NTN4: variants seen among roughly 807,000 people sequenced by gnomAD.
NTN4 encodes netrin-4.
NTN4 carries 32 observed loss-of-function variants against 73.6 expected under a neutral mutation model. The ratio of observed to expected loss-of-function variants is 0.44; its 90% CI spans 0.33 to 0.58. The LOEUF (loss-of-function observed/expected upper bound fraction) is 0.58, where lower values mean the gene tolerates loss of function less well. Among genes scored for constraint, NTN4 ranks in the 20% least tolerant of loss-of-function variants. The probability of loss-of-function intolerance (pLI) is 0.04; values close to 1 mark genes in which losing one functional copy is unlikely to be tolerated. For synonymous variants in NTN4, 258 were observed against 287.5 expected (o/e 0.90, Z 1.04); for missense variants, 654 against 798.3 (o/e 0.82, Z 2.18).
rs377101907 is a variant in NTN4 at position 95,732,220 on chromosome 12, TTCTC to T, written c.864+5642_864+5645del. 7.6e-5 allele frequency among the ~76,000 whole-genome samples: 11 copies of T among 144,882 alleles called. No individual in the cohort carries two copies. In the South Asian group the frequency reaches 1.2e-3, roughly 15 times the overall value. ...TTGAAGAGCTTTCTTTTCTCTCCCT[TTCTC>T]TCTTTCTTTCTTTCTCTGTCTTTCT... is the stretch of plus-strand genomic sequence containing the variant. On this transcript the variant is annotated intron_variant, in intron 3 of 9. Transcript: ENST00000343702.
chr12:95,767,269 C>A (rs890340206), intron 2 of NTN4, among the ~76,000 whole-genome samples: 3 of 152,112 alleles, frequency 2.0e-5, no homozygotes, highest in Non-Finnish European at 4.4e-5. Context: ...ATTACCCATC[C>A]TTTAAGAGAC....
At chr12:95,770,545 T>C (rs2079050026) in intron 2 of NTN4, among the ~76,000 whole-genome samples, 1 of 152,164 alleles carries the variant, frequency 6.6e-6, no homozygotes, top group South Asian at 2.1e-4. Flanking sequence ...ACACAGAATA[T>C]GAGAGAAGTG....
chr12:95,697,753 T>C (rs1220462066), intron 5 of NTN4, among the ~76,000 whole-genome samples: 1 of 152,124 alleles, frequency 6.6e-6, no homozygotes, highest in African/African-American at 2.4e-5. Flanking sequence ...CGGTGTGTAA[T>C]ACAGTTCTTT....
At chr12:95,709,451 G>T (rs12824729) in intron 5 of NTN4, among the ~76,000 whole-genome samples, 15 of 151,844 alleles carry the variant, frequency 9.9e-5, no homozygotes, top group Non-Finnish European at 1.8e-4. Flanking sequence ...CCTATGAATC[G>T]GATAGATCTT....
chr12:95,668,980 C>T (rs1008819243), intron 8 of NTN4, among the ~76,000 whole-genome samples: 3 of 152,154 alleles, frequency 2.0e-5, no homozygotes, highest in African/African-American at 7.2e-5. Flanking sequence ...AAAAATTAGC[C>T]GGGCATGGTG....
chr12:95,757,594 A>G (rs1473215681), intron 2 of NTN4, among the ~76,000 whole-genome samples: 4 of 152,104 alleles, frequency 2.6e-5, no homozygotes, highest in African/African-American at 9.7e-5. Flanking sequence ...TGAGAGGCAA[A>G]GAAATGAATG....
At chr12:95,672,923 A>T in intron 7 of NTN4, 1 of 1,164,476 alleles carries the variant, frequency 8.6e-7, no homozygotes, top group Non-Finnish European at 1.3e-6. Context: ...GCTATCATGG[A>T]GCTGAACCTG....
intron 5 of NTN4, among the ~76,000 whole-genome samples, chr12:95,697,653 T>G (rs554227239): frequency 6.6e-6 from 1 of 151,076 alleles, no homozygotes; most frequent in Non-Finnish European, 1.5e-5. Flanking sequence ...TCAAAAAAAC[T>G]AGGTTCTTTA....
At chr12:95,736,684 A>C (rs2078780428) in intron 3 of NTN4, among the ~76,000 whole-genome samples, 1 of 152,236 alleles carries the variant, frequency 6.6e-6, no homozygotes, top group Non-Finnish European at 1.5e-5. Context: ...TCTAGAAACT[A>C]GCAGGTATCT....
chr12:95,659,179 G>C lies in NTN4; in HGVS notation c.1794C>G (p.Gly598=), dbSNP rs750218203. ...AGCTTTTCATATTCACAATTAGTTTGCCTGTTCTTATATCCTCATGTCCTG... is the reference window on the plus strand; with the variant it reads ...AGCTTTTCATATTCACAATTAGTTTCCCTGTTCTTATATCCTCATGTCCTG... ...LVAGHEDIRT[G]KLIVNMKSFV... Residue 598 remains glycine, a synonymous_variant, in exon 10 of 10, where the codon GGC becomes GGG. Transcript: ENST00000343702. 1.2e-6 allele frequency: 2 copies of C among 1,613,466 alleles called. No homozygotes were observed. The highest frequency in any genetic ancestry group is 1.1e-5 in the South Asian group (1 of 90,992).
In NTN4 at chr12:95,725,006, A is replaced by AGGATTTTTTTTTTTTTTTTTT. The variant is rs1454896864; in HGVS notation, c.865-11669_865-11668insAAAAAAAAAAAAAAAAAATCC. 5.9e-5 allele frequency among the ~76,000 whole-genome samples: 8 copies of AGGATTTTTTTTTTTTTTTTTT among 135,838 alleles called. 3 individuals are homozygous for AGGATTTTTTTTTTTTTTTTTT. Among genetic ancestry groups the AGGATTTTTTTTTTTTTTTTTT allele is most frequent in the Non-Finnish European group, 9.6e-5 (6 of 62,468 alleles). 89.1% of individuals were successfully genotyped at this position (135,838 alleles called of 152,430 possible). ...ATCTTAGAACAGTGATGTCATCAGG[A>AGGATTTTTTTTTTTTTTTTTT]TTTTTTTTTTTTTTTTGCTTCCCAC... On this transcript the variant is annotated intron_variant, in intron 3 of 9. Transcript: ENST00000343702.
intron 9 of NTN4, 115 bp from the exon 10 acceptor site, chr12:95,659,337 C>A: frequency 2.6e-6 from 2 of 759,328 alleles, no homozygotes; most frequent in African/African-American, 1.8e-5. Context: ...GCTCTGTTAC[C>A]CAGGCTGGAG....
chr12:95,719,275 T>G (rs2078629236), intron 3 of NTN4, among the ~76,000 whole-genome samples: 1 of 152,172 alleles, frequency 6.6e-6, no homozygotes, highest in Admixed American at 6.6e-5. Flanking sequence ...TAATTCCAAT[T>G]GAAAATGAAT....
intron 5 of NTN4, among the ~76,000 whole-genome samples, chr12:95,700,080 A>ATTGTT (rs2078471825): frequency 2.4e-5 from 1 of 41,788 alleles, no homozygotes; most frequent in Non-Finnish European, 4.3e-5. Context: ...TAAAGTGAGG[A>ATTGTT]TTTTTTTTTT....
intron 2 of NTN4, among the ~76,000 whole-genome samples, chr12:95,757,998 T>C (rs1001644671): frequency 6.6e-6 from 1 of 152,114 alleles, no homozygotes; most frequent in African/African-American, 2.4e-5. Context: ...AGTTGATGGA[T>C]AGTTGGGTTG....
intron 2 of NTN4, among the ~76,000 whole-genome samples, chr12:95,782,445 G>A (rs2079140175): frequency 6.6e-6 from 1 of 151,958 alleles, no homozygotes; most frequent in Non-Finnish European, 1.5e-5. Context: ...ACAGGTGTGT[G>A]CCACCACACC....
intron 3 of NTN4, among the ~76,000 whole-genome samples, chr12:95,737,202 T>C (rs931563281): frequency 2.6e-5 from 4 of 152,182 alleles, no homozygotes; most frequent in African/African-American, 9.7e-5. Context: ...CCTATTCCTA[T>C]GTTGCTATCA....
intron 2 of NTN4, among the ~76,000 whole-genome samples, chr12:95,751,537 C>A (rs533764011): frequency 0.011 from 1,729 of 152,190 alleles, 14 homozygotes; most frequent in Middle Eastern, 0.095. Context: ...TGGGACCCCA[C>A]TGAAAATCGG....
At chr12:95,786,887 G>C in intron 2 of NTN4, 52 bp downstream of exon 2, 1 of 1,467,554 alleles carries the variant, frequency 6.8e-7, no homozygotes. Context: ...AATGCGGGCT[G>C]GTAACATTTT....
Sources: allele counts gnomAD v4.1 joint callset (sites outside exome capture counted in the v4.1 genomes callset), GRCh38; gene constraint gnomAD v4.1.1; transcripts MANE v1.5; gene names NCBI Gene and HGNC (gene_info 2026-07-23, HGNC 2026-07-21).